The following PDE4C variants were observed in gnomAD, a reference collection of about 807,000 sequenced individuals.
PDE4C encodes phosphodiesterase 4C, also known as 3',5'-cyclic-AMP phosphodiesterase 4C.
PDE4C carries 50 observed loss-of-function variants against 63.9 expected under a neutral mutation model. The observed-to-expected ratio is 0.78, with a 90% CI of 0.62 to 0.99. The LOEUF (loss-of-function observed/expected upper bound fraction) is 0.99. PDE4C is among the 50% of genes least tolerant of loss of function. The pLI, the probability that PDE4C is intolerant of heterozygous loss-of-function variation, is 0.00. For synonymous variants in PDE4C, 377 were observed against 385.1 expected, an observed-to-expected ratio of 0.98 and a Z score of 0.25; for missense variants, 777 against 899.1, an observed-to-expected ratio of 0.86 and a Z score of 1.74.
chr19:18,252,933 A>G (rs996495985), upstream of PDE4C, among the ~76,000 whole-genome samples: 5 of 151,962 alleles, frequency 3.3e-5, no homozygotes, highest in East Asian at 7.7e-4. Flanking sequence ...TAATTAATTT[A>G]TTTTTTTGTC....
upstream of PDE4C, among the ~76,000 whole-genome samples, chr19:18,229,532 C>T (rs556038095): frequency 1.1e-4 from 16 of 152,286 alleles, no homozygotes; most frequent in East Asian, 1.2e-3. Context: ...TGAGCCACTG[C>T]GCCCATTCTG....
At chr19:18,234,872 A>G (rs965351565), upstream of PDE4C, among the ~76,000 whole-genome samples, 6 of 152,056 alleles carry the variant, frequency 3.9e-5, no homozygotes, top group African/African-American at 1.4e-4. Flanking sequence ...TCTCTGTTCT[A>G]TGCTTGGGTG....
chr19:18,221,055 C>CCCCCCCCCCCCCCCCCCCCCCCCCCAA, intron 4 of PDE4C, 50 bp downstream of exon 4: 2 of 763,412 alleles, frequency 2.6e-6, no homozygotes, highest in Non-Finnish European at 3.6e-6. Flanking sequence ...GCTTTCCGCC[C>CCCCCCCCCCCCCCCCCCCCCCCCCCAA]ACCTTGTCTC....
chr19:18,243,577 A>G (rs563121940), intron 1 of PDE4C, among the ~76,000 whole-genome samples: 64 of 152,318 alleles, frequency 4.2e-4, no homozygotes, highest in Non-Finnish European at 7.8e-4. Flanking sequence ...AGATGGAGCC[A>G]GCAGAGGCAG....
chr19:18,248,181 G>A (rs1283590391), exon 1 of PDE4C: 1 of 456,214 alleles, frequency 2.2e-6, no homozygotes, highest in Non-Finnish European at 4.4e-6. Flanking sequence ...CACCACTGCG[G>A]AGTCCTGCCT....
chr19:18,240,488 G>A (rs1969018361), intron 1 of PDE4C, among the ~76,000 whole-genome samples: 1 of 151,466 alleles, frequency 6.6e-6, no homozygotes, highest in African/African-American at 2.4e-5. Context: ...AGCACTTTGG[G>A]AAGCCGAGGT....
chr19:18,236,901 A>G (rs1216051059), upstream of PDE4C: 3 of 152,680 alleles, frequency 2.0e-5, no homozygotes, highest in Admixed American at 1.3e-4. Context: ...TTAAGCCTCA[A>G]TGGTGAACAC....
At chr19:18,216,848 G>T in exon 12 of PDE4C, 1 of 1,614,208 alleles carries the variant, frequency 6.2e-7, no homozygotes. Context: ...GCCAGGTGAT[G>T]GTTCTCCAGC....
exon 8 of PDE4C, chr19:18,219,393 C>G: frequency 6.2e-7 from 1 of 1,601,624 alleles, no homozygotes; most frequent in Non-Finnish European, 8.5e-7. Context: ...CCTCGGTCTG[C>G]TGGTCTGCGG....
upstream of PDE4C, chr19:18,252,196 C>T (rs1469914352): frequency 2.8e-5 from 11 of 398,924 alleles, no homozygotes; most frequent in Non-Finnish European, 4.9e-5. Flanking sequence ...GGGGTGAGCT[C>T]TGCACTGGGG....
At position 18,233,436 on chromosome 19, in the gene PDE4C, G is replaced by A. The variant is rs537387930; in HGVS notation, c.-245C>T. The A allele has an allele frequency of 5.8e-6, 4 of 693,914 alleles. No homozygotes were observed. In the African/African-American group the frequency reaches 7.4e-5, roughly 13 times the overall value. The allele number at this position is 693,914 out of a possible 1,614,324, so 43.0% of individuals were successfully genotyped here. On this transcript the variant is annotated 5_prime_UTR_variant, in exon 1 of 15. Transcript: ENST00000594465. ...GAACAGGGGAGAAGAACGTGGTGAG[G>A]GGGTGTTGAAGCTAGGGGCTGAAGA... is the stretch of plus-strand genomic sequence containing the variant.
At chr19:18,235,241 G>A (rs1968931131), upstream of PDE4C, among the ~76,000 whole-genome samples, 1 of 152,170 alleles carries the variant, frequency 6.6e-6, no homozygotes, top group Non-Finnish European at 1.5e-5. Flanking sequence ...TGCGATCTTG[G>A]CTCACTGCGA....
rs781110726 is a variant in PDE4C, at chr19:18,220,508, C to T, written c.507G>A (p.Thr169=). The change falls in exon 6 of 15, where the codon ACG becomes ACA. Residue 169 remains threonine (T), a synonymous_variant. Transcript: ENST00000262805. The surrounding 1 kb of genome is among the most constrained non-coding windows in gnomAD (Gnocchi z 5.1). Reference sequence around the variant, plus strand: ...GCGTCTCCAATGCCAGCTTCTGCCCCGTGTCCTCTGGGAGCCGAGGCAGTC... The same window carrying T: ...GCGTCTCCAATGCCAGCTTCTGCCCTGTGTCCTCTGGGAGCCGAGGCAGTC... The T allele has an allele frequency of 6.2e-7, 1 of 1,613,272 alleles. No homozygotes were observed. The highest frequency in any genetic ancestry group is 8.5e-7 in the Non-Finnish European group (1 of 1,179,776).
upstream of PDE4C, chr19:18,237,045 A>T (rs1312165497): frequency 6.5e-6 from 1 of 152,772 alleles, no homozygotes; most frequent in Non-Finnish European, 1.5e-5. Flanking sequence ...GCCAGAATCC[A>T]CCAACTCCCA....
Position 18,211,752 on chromosome 19 carries a change from T to C in PDE4C, c.1695+7A>G. 1 of 1,614,058 alleles carries C rather than the reference T, an allele frequency of 6.2e-7. No homozygotes were observed. The highest frequency in any genetic ancestry group is 1.7e-5 in the Admixed American group (1 of 60,018). On this transcript the variant is annotated splice_region_variant and intron_variant, in intron 14 of 14. Coordinates refer to ENST00000262805, the Ensembl canonical transcript of PDE4C. The stretch of plus-strand genomic sequence containing the variant: ...TGTCTACCGGTTCAGCCCAGTCCCC[T>C]GCCAACCTGGGACTTCTCCACTGAG...
chr19:18,254,161 G>A, the PDE4C span, among the ~76,000 whole-genome samples: 1 of 152,228 alleles, frequency 6.6e-6, no homozygotes, highest in Admixed American at 6.5e-5. Flanking sequence ...GAGGCTCAGA[G>A]TAGCAGAGGG....
At chr19:18,217,676 C>T (rs551288329) in intron 11 of PDE4C, among the ~76,000 whole-genome samples, 2 of 152,218 alleles carry the variant, frequency 1.3e-5, no homozygotes, top group South Asian at 2.1e-4. Flanking sequence ...GCAGACAGAT[C>T]GCTTGAGGCC....
chr19:18,212,632 G>A (rs766074069), intron 13 of PDE4C, among the ~76,000 whole-genome samples: 7 of 151,808 alleles, frequency 4.6e-5, no homozygotes, highest in Middle Eastern at 3.4e-3. Context: ...GAGCCACTGC[G>A]CCCAGCCTTC....
At position 18,220,173 on chromosome 19, in the gene PDE4C, T is replaced by C. The variant is rs1600077228; in HGVS notation, c.706+53A>G. 7.2e-7 allele frequency: 1 copy of C among 1,396,696 alleles called. No homozygotes were observed. The highest frequency in any genetic ancestry group is 1.0e-6 in the Non-Finnish European group (1 of 983,756). The allele number at this position is 1,396,696 out of a possible 1,614,324, so 86.5% of individuals were successfully genotyped here. A position where few individuals can be genotyped will look rare whatever the true frequency, so the allele number is the denominator to read the frequency against. On this transcript the variant is annotated intron_variant, in intron 7 of 14. Transcript: ENST00000262805. The surrounding 1 kb of genome is among the most constrained non-coding windows in gnomAD (Gnocchi z 5.1). Reference sequence around the variant, plus strand: ...AGGTCTATCATAGGAATCTTTCTTTTGTTTCTTAGTACTCCTAAAATGTCG... The same window carrying C: ...AGGTCTATCATAGGAATCTTTCTTTCGTTTCTTAGTACTCCTAAAATGTCG...
Sources: allele counts gnomAD v4.1 joint callset (sites outside exome capture counted in the v4.1 genomes callset), GRCh38; gene constraint gnomAD v4.1.1; non-coding constraint Gnocchi (gnomAD v3.1); transcripts MANE v1.5; gene names NCBI Gene and HGNC (gene_info 2026-07-23, HGNC 2026-07-21).